DLGAP2: variants seen among roughly 807,000 people sequenced by gnomAD.
The protein encoded by DLGAP2 is disks large-associated protein 2.
Under a neutral mutation model 100.3 loss-of-function variants are expected in DLGAP2, and 26 were observed. That is an observed-to-expected ratio of 0.26 (90% CI 0.19 to 0.36). The LOEUF (loss-of-function observed/expected upper bound fraction) is 0.36, where lower values mean the gene tolerates loss of function less well. DLGAP2 is among the 10% of genes least tolerant of loss of function. The pLI is 1.00. For missense variants in DLGAP2, 1,858 were observed against 1,453.2 expected, an observed-to-expected ratio of 1.28 and a Z score of -4.53; for synonymous variants, 886 against 630.1, an observed-to-expected ratio of 1.41 and a Z score of -6.08.
At chr8:1,280,679 G>A (rs1167555135) in intron 3 of DLGAP2, among the ~76,000 whole-genome samples, 1 of 152,222 alleles carries the variant, frequency 6.6e-6, no homozygotes, top group Non-Finnish European at 1.5e-5. Context: ...TGGGCCATGG[G>A]CATGGAGGGG....
chr8:1,132,220 A>T (rs984458131), intron 2 of DLGAP2, among the ~76,000 whole-genome samples: 6 of 152,208 alleles, frequency 3.9e-5, no homozygotes, highest in African/African-American at 1.4e-4. Flanking sequence ...GTTTTTGATG[A>T]CTTTTAAATC....
At chr8:1,566,945 G>C (rs1212437584) in intron 6 of DLGAP2, among the ~76,000 whole-genome samples, 1 of 152,198 alleles carries the variant, frequency 6.6e-6, no homozygotes, top group Non-Finnish European at 1.5e-5. Flanking sequence ...CATGCCCTGA[G>C]ACCGGGCCGC....
At chr8:1,443,101 A>G (rs1339743885) in intron 3 of DLGAP2, among the ~76,000 whole-genome samples, 1 of 152,218 alleles carries the variant, frequency 6.6e-6, no homozygotes, top group Admixed American at 6.5e-5. Context: ...AAATACATGG[A>G]AAGTATGTAG....
intron 3 of DLGAP2, among the ~76,000 whole-genome samples, chr8:1,309,676 C>G (rs1800568297): frequency 6.6e-6 from 1 of 152,270 alleles, no homozygotes; most frequent in East Asian, 1.9e-4. Context: ...CAGGGACGAC[C>G]AGGAAAACCA....
intron 3 of DLGAP2, among the ~76,000 whole-genome samples, chr8:1,496,663 C>G (rs1376512168): frequency 6.6e-6 from 1 of 152,178 alleles, no homozygotes; most frequent in Non-Finnish European, 1.5e-5. Flanking sequence ...CCAGACCCCT[C>G]TGGGCCACAG....
chr8:862,530 C>T (rs1056531996), intron 1 of DLGAP2, among the ~76,000 whole-genome samples: 1 of 152,138 alleles, frequency 6.6e-6, no homozygotes, highest in Non-Finnish European at 1.5e-5. Context: ...TCTCGATCTC[C>T]TGACCTCGTG....
chr8:1,672,374 G>T (rs980801613), intron 10 of DLGAP2, among the ~76,000 whole-genome samples: 2 of 152,114 alleles, frequency 1.3e-5, no homozygotes, highest in Non-Finnish European at 2.9e-5. Context: ...TGGGATTACA[G>T]ACATGTGCCA....
chr8:1,351,852 G>A (rs796584118), intron 3 of DLGAP2, among the ~76,000 whole-genome samples: 3 of 66,322 alleles, frequency 4.5e-5, no homozygotes, highest in Non-Finnish European at 9.9e-5. Context: ...CTGAGTGTGC[G>A]TGGAAAGGCC....
At chr8:946,357 G>A (rs1336271955) in intron 2 of DLGAP2, among the ~76,000 whole-genome samples, 4 of 151,000 alleles carry the variant, frequency 2.6e-5, no homozygotes, top group Non-Finnish European at 5.9e-5. Context: ...TCCGCCTCCC[G>A]GGTTCACACC....
chr8:1,489,778 A>G (rs1453074291), intron 3 of DLGAP2, among the ~76,000 whole-genome samples: 1 of 152,220 alleles, frequency 6.6e-6, no homozygotes, highest in Non-Finnish European at 1.5e-5. Flanking sequence ...ATTCTCACGT[A>G]ACGTTACGAT....
intron 3 of DLGAP2, among the ~76,000 whole-genome samples, chr8:1,266,419 G>A (rs372147625): frequency 2.0e-5 from 3 of 152,154 alleles, no homozygotes; most frequent in Non-Finnish European, 2.9e-5. Context: ...GTCCCTTCCC[G>A]GGGTCCTCAG....
chr8:946,278 T>C (rs1408967673), intron 2 of DLGAP2, among the ~76,000 whole-genome samples: 3 of 151,716 alleles, frequency 2.0e-5, no homozygotes, highest in African/African-American at 7.3e-5. Flanking sequence ...GGTTTTTTTT[T>C]TTTTTTTGAC....
At chr8:1,594,951 C>T (rs750739297) in intron 6 of DLGAP2, among the ~76,000 whole-genome samples, 2 of 152,260 alleles carry the variant, frequency 1.3e-5, no homozygotes, top group East Asian at 1.9e-4. Context: ...GCAGGACCAT[C>T]GTGGGGTCAC....
At chr8:751,236 C>T (rs1338691932) in intron 1 of DLGAP2, among the ~76,000 whole-genome samples, 3 of 53,938 alleles carry the variant, frequency 5.6e-5, no homozygotes, top group African/African-American at 1.4e-4. Flanking sequence ...CACCCTCTCA[C>T]GGGAAGGAGC....
chr8:1,211,620 A>G (rs1585156369), intron 2 of DLGAP2, among the ~76,000 whole-genome samples: 1 of 152,300 alleles, frequency 6.6e-6, no homozygotes, highest in Middle Eastern at 3.4e-3. Context: ...ACACGCCTGT[A>G]ATCCCAGCAC....
chr8:1,190,432 C>T (rs1180486119), intron 2 of DLGAP2, among the ~76,000 whole-genome samples: 5 of 103,506 alleles, frequency 4.8e-5, no homozygotes, highest in Non-Finnish European at 4.4e-5. Context: ...GCTGTTGGGG[C>T]ATCTGCTGTT....
chr8:1,255,419 G>A (rs1371095920), intron 2 of DLGAP2, among the ~76,000 whole-genome samples: 1 of 143,864 alleles, frequency 7.0e-6, no homozygotes, highest in Non-Finnish European at 1.5e-5. Flanking sequence ...TGGGTGCTGT[G>A]TGTGTGTCCT....
chr8:1,195,750 C>G (rs911610182), intron 2 of DLGAP2, among the ~76,000 whole-genome samples: 3 of 152,146 alleles, frequency 2.0e-5, no homozygotes, highest in African/African-American at 7.2e-5. Context: ...CACAGATAAT[C>G]GCATCACCAT....
At chr8:777,908 T>C (rs1459141188) in intron 1 of DLGAP2, among the ~76,000 whole-genome samples, 2 of 152,206 alleles carry the variant, frequency 1.3e-5, no homozygotes, top group Non-Finnish European at 2.9e-5. Flanking sequence ...CCTTGCTAGA[T>C]TGGGGAAGTT....
Sources: gnomAD v4.1 joint callset for allele counts (sites outside exome capture counted in the v4.1 genomes callset) on GRCh38, gnomAD v4.1.1 for gene constraint, MANE v1.5 for transcripts, NCBI Gene and HGNC (gene_info 2026-07-23, HGNC 2026-07-21) for gene names.